Variants in PPARGC1A observed in about 807,000 individuals in gnomAD.
PPARGC1A encodes PPARG coactivator 1 alpha, also known as peroxisome proliferator-activated receptor gamma coactivator 1-alpha.
PPARGC1A carries 25 observed loss-of-function variants against 88.7 expected under a neutral mutation model. The observed-to-expected ratio is 0.28, with a 90% CI of 0.21 to 0.39. PPARGC1A has a LOEUF of 0.39. PPARGC1A is among the 10% of genes least tolerant of loss of function. The pLI, the probability that PPARGC1A is intolerant of heterozygous loss-of-function variation, is 1.00. For missense variants in PPARGC1A, 880 were observed against 968.7 expected, an observed-to-expected ratio of 0.91 and a Z score of 1.22; for synonymous variants, 363 against 355.6, an observed-to-expected ratio of 1.02 and a Z score of -0.24.
intron 2 of PPARGC1A, among the ~76,000 whole-genome samples, chr4:23,859,653 C>T (rs781777151): frequency 7.3e-5 from 11 of 151,456 alleles, no homozygotes; most frequent in African/African-American, 2.2e-4. Flanking sequence ...TGGTGGCGGG[C>T]GCCTGTAATC....
At chr4:23,842,155 A>G (rs1727174482) in intron 2 of PPARGC1A, among the ~76,000 whole-genome samples, 1 of 152,166 alleles carries the variant, frequency 6.6e-6, no homozygotes, top group Non-Finnish European at 1.5e-5. Context: ...ATTGTCAGCT[A>G]AAATCTAAGG....
At chr4:24,112,062 A>G in the PPARGC1A span, among the ~76,000 whole-genome samples, 1 of 152,224 alleles carries the variant, frequency 6.6e-6, no homozygotes. Flanking sequence ...TGCTCTGAGG[A>G]AAGATTAGAG....
chr4:24,372,333 C>A, the PPARGC1A span, among the ~76,000 whole-genome samples: 1 of 152,352 alleles, frequency 6.6e-6, no homozygotes, highest in African/African-American at 2.4e-5. Context: ...AACGCCCACA[C>A]CAGGGCTCAC....
chr4:24,146,504 C>T, the PPARGC1A span, among the ~76,000 whole-genome samples: 3 of 152,210 alleles, frequency 2.0e-5, no homozygotes, highest in Non-Finnish European at 4.4e-5. Flanking sequence ...TATCCCTACA[C>T]TTGGGACCAG....
chr4:24,194,145 A>AG, the PPARGC1A span, among the ~76,000 whole-genome samples: 1 of 151,270 alleles, frequency 6.6e-6, no homozygotes, highest in Non-Finnish European at 1.5e-5. Flanking sequence ...AAAAAAAAAA[A>AG]GTACACCAAT....
the PPARGC1A span, among the ~76,000 whole-genome samples, chr4:24,205,649 G>A: frequency 5.3e-5 from 8 of 152,018 alleles, no homozygotes; most frequent in African/African-American, 1.7e-4. Context: ...ACACCCACAC[G>A]CTCCGATCTT....
the PPARGC1A span, among the ~76,000 whole-genome samples, chr4:24,329,538 G>C: frequency 2.6e-5 from 4 of 152,126 alleles, no homozygotes; most frequent in South Asian, 6.2e-4. Context: ...CCCTCCCCCT[G>C]GGGCTCTTCC....
chr4:24,152,684 A>G, the PPARGC1A span, among the ~76,000 whole-genome samples: 1 of 152,242 alleles, frequency 6.6e-6, no homozygotes, highest in Non-Finnish European at 1.5e-5. Flanking sequence ...TAATTTAATT[A>G]ATTAACTATA....
At chr4:24,038,366 C>T in the PPARGC1A span, among the ~76,000 whole-genome samples, 22,950 of 152,136 alleles carry the variant, frequency 0.15, 2,481 homozygotes, top group Admixed American at 0.32. Flanking sequence ...TTTACCTAAG[C>T]CTTCCTTTAA....
the PPARGC1A span, among the ~76,000 whole-genome samples, chr4:24,113,514 G>A: frequency 6.6e-6 from 1 of 152,086 alleles, no homozygotes; most frequent in East Asian, 1.9e-4. Context: ...GAGAACCCTT[G>A]ATCTTAGTGA....
the PPARGC1A span, among the ~76,000 whole-genome samples, chr4:24,196,086 T>C: frequency 3.9e-5 from 6 of 152,206 alleles, no homozygotes; most frequent in African/African-American, 1.4e-4. Flanking sequence ...AGAGAGAGGA[T>C]TTACTTGCCA....
chr4:24,240,998 G>T, the PPARGC1A span, among the ~76,000 whole-genome samples: 3 of 152,184 alleles, frequency 2.0e-5, no homozygotes, highest in African/African-American at 4.8e-5. Flanking sequence ...CTGCTGAGGG[G>T]TGGCAGGAAG....
chr4:24,087,550 T>C, the PPARGC1A span, among the ~76,000 whole-genome samples: 1 of 152,296 alleles, frequency 6.6e-6, no homozygotes, highest in Admixed American at 6.5e-5. Flanking sequence ...GCCAAAACAA[T>C]GACGTGTCAC....
Position 23,826,991 on chromosome 4 carries a change from G to C in PPARGC1A, c.757+1409C>G, listed in dbSNP as rs536633387. ...GAGGAGTAGCCCGGTGAATTCATTTGTTCACTCACTAGAGCGAGCTCATCT... is the reference window on the plus strand; with the variant it reads ...GAGGAGTAGCCCGGTGAATTCATTTCTTCACTCACTAGAGCGAGCTCATCT... On this transcript the variant is annotated intron_variant, in intron 5 of 12. Coordinates refer to ENST00000264867, the MANE Select transcript of PPARGC1A (RefSeq NM_013261.5). Among the ~76,000 whole-genome samples, 26 of 152,198 alleles carry C rather than the reference G, an allele frequency of 1.7e-4. 1 individual carries two copies. In the South Asian group the frequency reaches 2.5e-3, roughly 15 times the overall value.
At chr4:24,391,384 A>T in the PPARGC1A span, among the ~76,000 whole-genome samples, 2 of 152,178 alleles carry the variant, frequency 1.3e-5, no homozygotes, top group Admixed American at 1.3e-4. Context: ...TCTACTTAGC[A>T]CCAGTTACTC....
the PPARGC1A span, among the ~76,000 whole-genome samples, chr4:24,003,376 A>G: frequency 6.6e-6 from 1 of 152,214 alleles, no homozygotes; most frequent in African/African-American, 2.4e-5. Context: ...ACAATACCTA[A>G]GGCCTAAAAA....
At chr4:24,072,080 T>C in the PPARGC1A span, among the ~76,000 whole-genome samples, 1 of 149,996 alleles carries the variant, frequency 6.7e-6, no homozygotes, top group African/African-American at 2.4e-5. Flanking sequence ...GGACCATTGT[T>C]TCCTAGTATT....
At chr4:23,825,236 T>A (rs1353035843) in intron 5 of PPARGC1A, 1 of 152,102 alleles carries the variant, frequency 6.6e-6, no homozygotes, top group Non-Finnish European at 1.5e-5. Flanking sequence ...TTTCAATTGC[T>A]TCTCTGTGGC....
chr4:23,831,571 C>T lies in PPARGC1A; in HGVS notation c.415G>A (p.Glu139Lys), dbSNP rs545199285. 5 of 1,613,930 alleles carry T rather than the reference C, an allele frequency of 3.1e-6. No individual in the cohort carries two copies. The African/African-American group carries it at 5.3e-5, about 17-fold the overall frequency. Residue 139 changes from glutamate (E) to lysine (K), a missense_variant, in exon 3 of 13, where the codon GAA (glutamate) becomes AAA (lysine). Coordinates refer to ENST00000264867, the MANE Select transcript of PPARGC1A (RefSeq NM_013261.5). ...AGGGTTCTTACTAGAGACGGCTCTT[C>T]TGCCTCCTGGGGTGGAGGGGTGCCG... ...PDGTPPPQEA[E>K]EPSLLKKLLL...
Sources: gnomAD v4.1 joint callset for allele counts (sites outside exome capture counted in the v4.1 genomes callset) on GRCh38, gnomAD v4.1.1 for gene constraint, MANE v1.5 for transcripts, NCBI Gene and HGNC (gene_info 2026-07-23, HGNC 2026-07-21) for gene names.